Variants in NREP observed in about 807,000 individuals in gnomAD.
NREP encodes the protein neuronal regeneration-related protein.
Under a neutral mutation model 8.6 loss-of-function variants are expected in NREP, and 5 were observed. The observed-to-expected ratio is 0.58, with a 90% confidence interval of 0.30 to 1.22. The LOEUF is 1.22. Among genes scored for constraint, NREP ranks in the 50% most tolerant of loss-of-function variants. The pLI is 0.07. For synonymous variants in NREP, 27 were observed against 28.0 expected (o/e 0.96, Z 0.11); for missense variants, 86 against 82.5 (o/e 1.04, Z -0.17).
chr5:111,792,497 G>T (rs560330271), intron 2 of NREP, among the ~76,000 whole-genome samples: 20 of 152,254 alleles, frequency 1.3e-4, no homozygotes, highest in African/African-American at 4.6e-4. Context: ...AAAATATATG[G>T]TTTGATTTCT....
intron 2 of NREP, among the ~76,000 whole-genome samples, chr5:111,852,001 C>A (rs1230969709): frequency 6.6e-6 from 1 of 152,072 alleles, no homozygotes; most frequent in Non-Finnish European, 1.5e-5. Context: ...AAACTTACCC[C>A]CCATTGTGGT....
intron 2 of NREP, among the ~76,000 whole-genome samples, chr5:111,833,548 A>G (rs569791273): frequency 8.5e-4 from 129 of 152,190 alleles, no homozygotes; most frequent in Non-Finnish European, 9.6e-4. Context: ...TTGATTTTCT[A>G]CAGTAAATAC....
chr5:111,951,101 T>G (rs930030433), intron 2 of NREP, among the ~76,000 whole-genome samples: 19 of 152,100 alleles, frequency 1.2e-4, no homozygotes, highest in African/African-American at 4.6e-4. Context: ...GTTTCATATA[T>G]TCTAAAACTT....
At chr5:111,741,189 G>T (rs756838804) in intron 2 of NREP, among the ~76,000 whole-genome samples, 1 of 152,108 alleles carries the variant, frequency 6.6e-6, no homozygotes, top group Non-Finnish European at 1.5e-5. Context: ...TAGGAAAGCC[G>T]ACTAGGGCAG....
At chr5:111,894,520 A>G (rs554312995) in intron 2 of NREP, among the ~76,000 whole-genome samples, 1 of 151,688 alleles carries the variant, frequency 6.6e-6, no homozygotes, top group African/African-American at 2.4e-5. Context: ...GACTCCTATC[A>G]TTTTCTCTAA....
In NREP at chr5:111,881,208, G is replaced by A. The variant is rs573503468; in HGVS notation, c.135+94066C>T. ...CTGGCTCAGAGGGTCCTACACCCAC[G>A]GAGTCTCCCTGATTGCTAGCACAGC... On this transcript the variant is annotated intron_variant, in intron 2 of 3. Transcript: ENST00000395634. Among the ~76,000 whole-genome samples the A allele has an allele frequency of 1.2e-4, 18 of 152,304 alleles. No individual in the cohort carries two copies. The East Asian group carries it at 1.4e-3, about 11-fold the overall frequency.
intron 2 of NREP, among the ~76,000 whole-genome samples, chr5:111,823,799 C>T (rs1289294341): frequency 1.3e-5 from 2 of 152,124 alleles, no homozygotes; most frequent in East Asian, 3.9e-4. Flanking sequence ...AAAAATCTCA[C>T]GATCTTACTT....
chr5:111,956,506 AT>A (rs200531830), intron 2 of NREP, among the ~76,000 whole-genome samples: 1,705 of 151,820 alleles, frequency 0.011, 36 homozygotes, highest in African/African-American at 0.038. Flanking sequence ...GACAAATTAG[AT>A]TTTTTTTTAA....
chr5:111,771,538 G>A (rs895441217), intron 2 of NREP, among the ~76,000 whole-genome samples: 1 of 151,940 alleles, frequency 6.6e-6, no homozygotes, highest in Non-Finnish European at 1.5e-5. Flanking sequence ...TGAGGGGGGC[G>A]GATAGCCTGA....
At chr5:111,975,959 G>A (rs1010137184) in intron 1 of NREP, among the ~76,000 whole-genome samples, 3 of 151,932 alleles carry the variant, frequency 2.0e-5, no homozygotes, top group African/African-American at 7.3e-5. Flanking sequence ...TTTCTTTATT[G>A]AACTAAACCA....
intron 2 of NREP, among the ~76,000 whole-genome samples, chr5:111,973,777 T>C (rs1425830692): frequency 1.3e-5 from 2 of 152,168 alleles, no homozygotes; most frequent in Non-Finnish European, 2.9e-5. Context: ...CAAGCCTAAA[T>C]CAAAGCACTA....
intron 2 of NREP, among the ~76,000 whole-genome samples, chr5:111,826,423 G>T (rs1489280882): frequency 1.3e-5 from 2 of 152,170 alleles, no homozygotes; most frequent in African/African-American, 4.8e-5. Flanking sequence ...CAGTGTTTGG[G>T]TCTGCACTGC....
chr5:111,741,933 A>G (rs909705933), intron 2 of NREP, among the ~76,000 whole-genome samples: 2 of 151,768 alleles, frequency 1.3e-5, no homozygotes, highest in African/African-American at 4.8e-5. Flanking sequence ...TGCACTCTAG[A>G]CTCATAAATG....
At chr5:111,804,694 T>C (rs12186857) in intron 2 of NREP, among the ~76,000 whole-genome samples, 7,651 of 149,930 alleles carry the variant, frequency 0.051, 235 homozygotes, top group Middle Eastern at 0.093. Flanking sequence ...TGGAGGAGAA[T>C]AAGAGAAAAA....
intron 2 of NREP, among the ~76,000 whole-genome samples, chr5:111,951,997 T>C (rs912338651): frequency 6.6e-6 from 1 of 152,118 alleles, no homozygotes; most frequent in Non-Finnish European, 1.5e-5. Flanking sequence ...CTATTCTCTT[T>C]CCTGACACTC....
intron 2 of NREP, among the ~76,000 whole-genome samples, chr5:111,856,404 CA>C (rs370995551): frequency 2.0e-5 from 3 of 152,076 alleles, no homozygotes; most frequent in African/African-American, 7.2e-5. Context: ...GCGACCTAAA[CA>C]AAAAACTCAT....
intron 2 of NREP, among the ~76,000 whole-genome samples, chr5:111,884,795 C>T (rs1237354924): frequency 6.6e-6 from 1 of 152,168 alleles, no homozygotes; most frequent in Non-Finnish European, 1.5e-5. Flanking sequence ...TAAAAACTCT[C>T]AATAAATTAG....
chr5:111,927,789 A>G (rs572492152), intron 2 of NREP, among the ~76,000 whole-genome samples: 1 of 152,132 alleles, frequency 6.6e-6, no homozygotes, highest in South Asian at 2.1e-4. Flanking sequence ...CCTTTTAAAT[A>G]TTTAAGCCCT....
Position 111,734,597 on chromosome 5 carries a change from T to G in NREP, c.81+833A>C, listed in dbSNP as rs1748930227. 6.1e-6 allele frequency: 3 copies of G among 490,356 alleles called. No homozygotes were observed. In the South Asian group the frequency reaches 1.1e-4, roughly 19 times the overall value. The allele number at this position is 490,356 out of a possible 1,614,324, so 30.4% of individuals were successfully genotyped here. ...CCTGCCAGTATAAGATAGGGAATTG[T>G]TGATACTATTTAGTGTAAATAAAAT... On this transcript the variant is annotated intron_variant, in intron 3 of 3. Transcript: ENST00000257435.
Sources: allele counts gnomAD v4.1 joint callset (sites outside exome capture counted in the v4.1 genomes callset), GRCh38; gene constraint gnomAD v4.1.1; transcripts MANE v1.5; gene names NCBI Gene and HGNC (gene_info 2026-07-23, HGNC 2026-07-21).